The following ANKRD9 variants were observed in gnomAD, a reference collection of about 807,000 sequenced individuals.
ANKRD9 encodes ankyrin repeat domain-containing protein 9.
ANKRD9 carries 13 observed loss-of-function variants against 19.2 expected under a neutral mutation model. The ratio of observed to expected loss-of-function variants is 0.68; its 90% CI spans 0.44 to 1.08. The LOEUF (loss-of-function observed/expected upper bound fraction) is 1.08, where lower values mean the gene tolerates loss of function less well. ANKRD9 is among the 50% of genes least tolerant of loss of function. The pLI is 0.00. For missense variants in ANKRD9, 518 were observed against 499.9 expected (o/e 1.04, Z -0.34); for synonymous variants, 278 against 256.8 (o/e 1.08, Z -0.79).
chr14:102,507,281 C>A lies in ANKRD9; in HGVS notation c.609G>T (p.Leu203=). The A allele has an allele frequency of 8.3e-7, 1 of 1,209,222 alleles. No individual in the cohort carries two copies. The highest frequency in any genetic ancestry group is 2.5e-5 in the South Asian group (1 of 40,332). 74.9% of individuals were successfully genotyped at this position (1,209,222 alleles called of 1,614,324 possible). Reference sequence around the variant, plus strand: ...AGGGAGTGGCCCCGGCGTCGCGGCCCAGCTGGCGCAGCAGCAGCTCGAGAG... The same window carrying A: ...AGGGAGTGGCCCCGGCGTCGCGGCCAAGCTGGCGCAGCAGCAGCTCGAGAG... ...LTPLELLLRQ[L]GRDAGATPSA... Residue 203 remains leucine (L), a synonymous_variant, in exon 4 of 4, where the codon CTG becomes CTT. Coordinates refer to ENST00000286918, the MANE Select transcript of ANKRD9 (RefSeq NM_152326.4). This position sits in a 1 kb window ranked among gnomAD's most constrained non-coding sequence, Gnocchi z 9.2.
chr14:102,502,033 G>A lies in ANKRD9; in HGVS notation c.*4903C>T, dbSNP rs563938369. ...AAACAGCACAGCCTGTTTATAATTA[G>A]GAAACACTTAAAACAGCCTGGCATT... On this transcript the variant is annotated 3_prime_UTR_variant, in exon 4 of 4. Transcript: ENST00000286918. 1 of 152,360 alleles carries A rather than the reference G, an allele frequency of 6.6e-6. No homozygotes were observed. Among genetic ancestry groups the A allele is most frequent in the East Asian group, 1.9e-4 (1 of 5,188 alleles). The allele number at this position is 152,360 out of a possible 1,614,324, so 9.4% of individuals were successfully genotyped here.
Position 102,507,085 on chromosome 14 carries a change from A to G in ANKRD9, c.805T>C (p.Trp269Arg), listed in dbSNP as rs774606148. The change falls in exon 4 of 4, where the codon TGG becomes CGG. Residue 269 changes from tryptophan to arginine, a missense_variant. Transcript: ENST00000286918. This position sits in a 1 kb window ranked among gnomAD's most constrained non-coding sequence, Gnocchi z 9.2. ...QRLLGEDKFQ[W>R]LAGLAPPSLF... ...GAGGGCGGCGCCAGGCCCGCCAGCC[A>G]CTGGAACTTGTCCTCACCCAGCAGC... The G allele has an allele frequency of 1.9e-6, 3 of 1,550,788 alleles. No homozygotes were observed. In the East Asian group the frequency reaches 7.3e-5, roughly 38 times the overall value.
At position 102,508,049 on chromosome 14, in the gene ANKRD9, G is replaced by T; in HGVS notation, c.-53-107C>A. 1.3e-6 allele frequency: 1 copy of T among 789,912 alleles called. No homozygotes were observed. The highest frequency in any genetic ancestry group is 1.6e-6 in the Non-Finnish European group (1 of 632,894). The allele number at this position is 789,912 out of a possible 1,614,324, so 48.9% of individuals were successfully genotyped here. On this transcript the variant is annotated intron_variant, in intron 3 of 3. Transcript: ENST00000286918. This position sits in a 1 kb window ranked among gnomAD's most constrained non-coding sequence, Gnocchi z 6.2. Reference sequence around the variant, plus strand: ...CCTCCGGTCCTGGCCCACCAGGCCTGTACCTACCTCCAGCCTCGGCCAGGC... The same window carrying T: ...CCTCCGGTCCTGGCCCACCAGGCCTTTACCTACCTCCAGCCTCGGCCAGGC...
Position 102,506,815 on chromosome 14 carries a change from C to G in ANKRD9, c.*121G>C. ...CACCTGACCATCCAAGCCCAGCCCC[C>G]AGTGCATGCGACAGATGAGGCAGAG... On this transcript the variant is annotated 3_prime_UTR_variant, in exon 4 of 4. Transcript: ENST00000286918. 8.0e-7 allele frequency: 1 copy of G among 1,245,348 alleles called. No individual in the cohort carries two copies. The highest frequency in any genetic ancestry group is 1.0e-6 in the Non-Finnish European group (1 of 987,032). The allele number at this position is 1,245,348 out of a possible 1,614,324, so 77.1% of individuals were successfully genotyped here. A position where few individuals can be genotyped will look rare whatever the true frequency, so the allele number is the denominator to read the frequency against.
Position 102,507,256 on chromosome 14 carries a change from A to T in ANKRD9, c.634T>A (p.Ser212Thr), listed in dbSNP as rs1224184229. 3.3e-6 allele frequency: 4 copies of T among 1,227,252 alleles called. No homozygotes were observed. The East Asian group carries it at 1.6e-4, about 48-fold the overall frequency. 76.0% of individuals were successfully genotyped at this position (1,227,252 alleles called of 1,614,324 possible). The change falls in exon 4 of 4, where the codon TCC becomes ACC. Residue 212 changes from serine (S) to threonine (T), a missense_variant. Ser to Thr is a moderately conservative substitution (Grantham distance 58). Transcript: ENST00000286918. This position sits in a 1 kb window ranked among gnomAD's most constrained non-coding sequence, Gnocchi z 9.2. ...QLGRDAGATP[S>T]AAGAPASAPG... is the part of the protein sequence containing the mutation. ...GCTGAGGCGGGGGCTCCGGCGGCGG[A>T]GGGAGTGGCCCCGGCGTCGCGGCCC... is the stretch of plus-strand genomic sequence containing the variant.
Position 102,505,215 on chromosome 14 carries a change from C to T in ANKRD9, c.*1721G>A, listed in dbSNP as rs1053771942. 5.2e-5 allele frequency: 8 copies of T among 152,408 alleles called. No homozygotes were observed. Among genetic ancestry groups the T allele is most frequent in the African/African-American group, 1.2e-4 (5 of 41,402 alleles). 9.4% of individuals were successfully genotyped at this position (152,408 alleles called of 1,614,324 possible). A position where few individuals can be genotyped will look rare whatever the true frequency, so the allele number is the denominator to read the frequency against. ...CCCCGGGCCCAGCCCCTAAGAACCA[C>T]GGCAGCTGCGCCAGGCCACTCCTGT... On this transcript the variant is annotated 3_prime_UTR_variant, in exon 4 of 4. Coordinates refer to ENST00000286918, the MANE Select transcript of ANKRD9 (RefSeq NM_152326.4).
intron 1 of ANKRD9, 198 bp from the exon 2 acceptor site, chr14:102,509,044 G>T (rs370552571): frequency 3.3e-5 from 5 of 152,380 alleles, no homozygotes; most frequent in African/African-American, 1.2e-4. Flanking sequence ...TGGTCACAAG[G>T]GGCCTGGGAC....
chr14:102,507,283 G>A lies in ANKRD9; in HGVS notation c.607C>T (p.Leu203=). ...LTPLELLLRQ[L]GRDAGATPSA... is the part of the protein sequence containing the mutation. ...GGAGTGGCCCCGGCGTCGCGGCCCA[G>A]CTGGCGCAGCAGCAGCTCGAGAGGC... The change falls in exon 4 of 4, where the codon CTG becomes TTG. Residue 203 remains leucine, a synonymous_variant. Coordinates refer to ENST00000286918, the MANE Select transcript of ANKRD9 (RefSeq NM_152326.4). This position sits in a 1 kb window ranked among gnomAD's most constrained non-coding sequence, Gnocchi z 9.2. 2 of 1,213,348 alleles carry A rather than the reference G, an allele frequency of 1.6e-6. No homozygotes were observed. The highest frequency in any genetic ancestry group is 4.8e-5 in the South Asian group (2 of 41,426). 75.2% of individuals were successfully genotyped at this position (1,213,348 alleles called of 1,614,324 possible). A position where few individuals can be genotyped will look rare whatever the true frequency, so the allele number is the denominator to read the frequency against.
chr14:102,504,409 G>A lies in ANKRD9; in HGVS notation c.*2527C>T, dbSNP rs955156617. The A allele has an allele frequency of 1.4e-4, 22 of 154,588 alleles. No homozygotes were observed. The highest frequency in any genetic ancestry group is 4.1e-4 in the African/African-American group (17 of 41,582). 9.6% of individuals were successfully genotyped at this position (154,588 alleles called of 1,614,324 possible). On this transcript the variant is annotated 3_prime_UTR_variant, in exon 4 of 4. Transcript: ENST00000286918. ...GCCAACAGGCAAATGCTGTGCTGCC[G>A]TCTGCCTGGCTGACTCCGGCCCTCC...
chr14:102,507,151 C>T lies in ANKRD9; in HGVS notation c.739G>A (p.Ala247Thr), dbSNP rs1951442027. The T allele has an allele frequency of 1.4e-6, 2 of 1,428,780 alleles. No homozygotes were observed. Among genetic ancestry groups the T allele is most frequent in the East Asian group, 5.8e-5 (2 of 34,358 alleles). The allele number at this position is 1,428,780 out of a possible 1,614,324, so 88.5% of individuals were successfully genotyped here. A position where few individuals can be genotyped will look rare whatever the true frequency, so the allele number is the denominator to read the frequency against. Residue 247 changes from alanine to threonine, a missense_variant, in exon 4 of 4, where the codon GCC becomes ACC. Physicochemically the swap from Ala to Thr is moderately conservative, Grantham distance 58 (BLOSUM62 0). Transcript: ENST00000286918. This position sits in a 1 kb window ranked among gnomAD's most constrained non-coding sequence, Gnocchi z 9.2. ...LYTPVGAAGS[A>T]RQELLGDRPR... ...CGGTCGCCCAGCAGCTCCTGGCGGG[C>T]CGAGCCGGCGGCACCCACGGGGGTG...
At position 102,502,332 on chromosome 14, in the gene ANKRD9, G is replaced by A. The variant is rs1595155495; in HGVS notation, c.*4604C>T. On this transcript the variant is annotated 3_prime_UTR_variant, in exon 4 of 4. Transcript: ENST00000286918. ...TCATAACTCCGGGGAGGAGCAAGAG[G>A]GGTGAAAAGAAACAAGTTCTCTACT... is the stretch of plus-strand genomic sequence containing the variant. The A allele has an allele frequency of 6.6e-6, 1 of 152,640 alleles. No homozygotes were observed. Among genetic ancestry groups the A allele is most frequent in the African/African-American group, 2.4e-5 (1 of 41,450 alleles). 9.5% of individuals were successfully genotyped at this position (152,640 alleles called of 1,614,324 possible). A position where few individuals can be genotyped will look rare whatever the true frequency, so the allele number is the denominator to read the frequency against.
Sources: gnomAD v4.1 joint callset for allele counts on GRCh38, gnomAD v4.1.1 for gene constraint, Gnocchi (gnomAD v3.1) non-coding constraint, MANE v1.5 for transcripts, NCBI Gene and HGNC (gene_info 2026-07-23, HGNC 2026-07-21) for gene names.